The following GPR39 variants were observed in gnomAD, a reference collection of about 807,000 sequenced individuals.
The protein encoded by GPR39 is zinc sensing receptor.
In GPR39, 23 loss-of-function variants were observed where a neutral mutation model predicts 18.4. The ratio of observed to expected loss-of-function variants is 1.25; its 90% confidence interval spans 0.90 to 1.77. The LOEUF (loss-of-function observed/expected upper bound fraction) is 1.77. GPR39 is among the 40% of genes most tolerant of loss of function. The pLI is 0.00. For synonymous variants in GPR39, 280 were observed against 257.9 expected (o/e 1.09, Z -0.82); for missense variants, 647 against 602.4 (o/e 1.07, Z -0.78).
At chr2:132,611,325 G>A (rs550585317) in intron 1 of GPR39, among the ~76,000 whole-genome samples, 2 of 152,236 alleles carry the variant, frequency 1.3e-5, no homozygotes, top group Admixed American at 6.5e-5. Flanking sequence ...TCCTAACCAC[G>A]CCAGGTGGTG....
intron 1 of GPR39, among the ~76,000 whole-genome samples, chr2:132,432,644 C>T (rs13411520): frequency 0.21 from 32,637 of 152,074 alleles, 3,668 homozygotes; most frequent in African/African-American, 0.26. Context: ...CTGGTATTCT[C>T]GGAGGACATT....
At chr2:132,447,353 A>C (rs1157831352) in intron 1 of GPR39, among the ~76,000 whole-genome samples, 1 of 152,234 alleles carries the variant, frequency 6.6e-6, no homozygotes, top group Non-Finnish European at 1.5e-5. Context: ...AGTGGAATGT[A>C]AAGAGGAGCT....
At chr2:132,621,924 A>G (rs568268557) in intron 1 of GPR39, among the ~76,000 whole-genome samples, 1 of 152,084 alleles carries the variant, frequency 6.6e-6, no homozygotes, top group South Asian at 2.1e-4. Flanking sequence ...GGTGTGGGGC[A>G]TTAGAGAGGT....
At chr2:132,484,474 G>T (rs1051795823) in intron 1 of GPR39, among the ~76,000 whole-genome samples, 14 of 152,190 alleles carry the variant, frequency 9.2e-5, no homozygotes, top group African/African-American at 2.9e-4. Context: ...GCCAGATTAG[G>T]TGAACTTGGC....
chr2:132,496,103 A>G (rs1365693908), intron 1 of GPR39, among the ~76,000 whole-genome samples: 2 of 152,180 alleles, frequency 1.3e-5, no homozygotes, highest in Admixed American at 1.3e-4. Flanking sequence ...TCTCCCTTCC[A>G]GAGACTTGTA....
chr2:132,492,802 C>CAT (rs1558814682), intron 1 of GPR39, among the ~76,000 whole-genome samples: 1 of 65,534 alleles, frequency 1.5e-5, no homozygotes, highest in African/African-American at 5.2e-5. Flanking sequence ...CCATATATAC[C>CAT]ATATATATAC....
chr2:132,623,105 CT>C (rs1199476877), intron 1 of GPR39, among the ~76,000 whole-genome samples: 1 of 152,130 alleles, frequency 6.6e-6, no homozygotes, highest in Admixed American at 6.6e-5. Context: ...AAGCGAGACT[CT>C]GTCTCAAATA....
chr2:132,613,599 A>G (rs1210208200), intron 1 of GPR39, among the ~76,000 whole-genome samples: 2 of 152,200 alleles, frequency 1.3e-5, no homozygotes, highest in Non-Finnish European at 2.9e-5. Flanking sequence ...AGGGGCAGAA[A>G]TTCTGCAATG....
At chr2:132,507,070 A>G (rs561781257) in intron 1 of GPR39, among the ~76,000 whole-genome samples, 1 of 152,268 alleles carries the variant, frequency 6.6e-6, no homozygotes, top group East Asian at 1.9e-4. Context: ...TAATCCATTT[A>G]TGAGGGCAGA....
intron 1 of GPR39, among the ~76,000 whole-genome samples, chr2:132,549,197 G>T (rs1224714940): frequency 6.6e-6 from 1 of 152,088 alleles, no homozygotes; most frequent in East Asian, 1.9e-4. Flanking sequence ...GCACATAGAG[G>T]TCTGTGGTGT....
chr2:132,508,011 T>A (rs1425452907), intron 1 of GPR39, among the ~76,000 whole-genome samples: 1 of 152,164 alleles, frequency 6.6e-6, no homozygotes, highest in Non-Finnish European at 1.5e-5. Flanking sequence ...GAATTCAATC[T>A]CTAGCCCCAA....
chr2:132,641,612 A>G (rs1160811608), intron 1 of GPR39, among the ~76,000 whole-genome samples: 1 of 152,232 alleles, frequency 6.6e-6, no homozygotes, highest in African/African-American at 2.4e-5. Flanking sequence ...AAGACATTTC[A>G]TCAATAATTT....
chr2:132,493,822 T>A (rs1681581697), intron 1 of GPR39, among the ~76,000 whole-genome samples: 2 of 151,548 alleles, frequency 1.3e-5, no homozygotes. Flanking sequence ...GACATGAGAG[T>A]CATTTGCAGA....
intron 1 of GPR39, among the ~76,000 whole-genome samples, chr2:132,639,659 T>C (rs1391178872): frequency 1.3e-5 from 2 of 152,140 alleles, no homozygotes; most frequent in African/African-American, 2.4e-5. Context: ...GATGGAGTCA[T>C]TGTAGGCTAG....
chr2:132,417,305 C>T lies in GPR39; in HGVS notation c.263C>T (p.Pro88Leu), dbSNP rs960343783. The T allele has an allele frequency of 6.2e-7, 1 of 1,614,130 alleles. No homozygotes were observed. The highest frequency in any genetic ancestry group is 8.5e-7 in the Non-Finnish European group (1 of 1,180,016). ...ATCTTGGTGTTCCTCATCGGCATGC[C>T]CATGGAGTTCTACAGCATCATCTGG... is the stretch of plus-strand genomic sequence containing the variant. ...SDILVFLIGM[P>L]MEFYSIIWNP... The change falls in exon 1 of 2, where the codon CCC becomes CTC. Residue 88 changes from proline (P) to leucine (L), a missense_variant. Physicochemically the swap from Pro to Leu is moderately conservative, Grantham distance 98 (BLOSUM62 -3). Transcript: ENST00000329321.
At chr2:132,553,107 G>T (rs1378744458) in intron 1 of GPR39, among the ~76,000 whole-genome samples, 1 of 151,208 alleles carries the variant, frequency 6.6e-6, no homozygotes, top group African/African-American at 2.4e-5. Flanking sequence ...TGTATTTTTA[G>T]TAGAGATGGG....
At chr2:132,587,090 G>A (rs774710022) in intron 1 of GPR39, among the ~76,000 whole-genome samples, 13 of 152,230 alleles carry the variant, frequency 8.5e-5, no homozygotes, top group Non-Finnish European at 1.5e-4. Context: ...TAAAGGTCTT[G>A]CGGTAAAGAC....
At chr2:132,493,116 A>G (rs951863233) in intron 1 of GPR39, among the ~76,000 whole-genome samples, 1 of 144,150 alleles carries the variant, frequency 6.9e-6, no homozygotes, top group African/African-American at 2.5e-5. Context: ...TACCATATAT[A>G]CACATTCCAT....
chr2:132,446,147 G>A (rs1256086056), intron 1 of GPR39, among the ~76,000 whole-genome samples: 1 of 152,316 alleles, frequency 6.6e-6, no homozygotes, highest in Non-Finnish European at 1.5e-5. Flanking sequence ...AATTGGCATA[G>A]AGATCTCTAG....
Sources: gnomAD v4.1 joint callset for allele counts (sites outside exome capture counted in the v4.1 genomes callset) on GRCh38, gnomAD v4.1.1 for gene constraint, MANE v1.5 for transcripts, NCBI Gene and HGNC (gene_info 2026-07-23, HGNC 2026-07-21) for gene names.